Variants in UBE2K observed in about 807,000 individuals in gnomAD.
The protein encoded by UBE2K is ubiquitin conjugating enzyme E2 K, also known as ubiquitin-conjugating enzyme E2 K.
UBE2K carries 6 observed loss-of-function variants against 30.0 expected under a neutral mutation model. That is an observed-to-expected ratio of 0.20 (90% CI 0.11 to 0.39). The LOEUF is 0.39. UBE2K is among the 10% of genes least tolerant of loss of function. The pLI is 1.00. For synonymous variants in UBE2K, 86 were observed against 83.7 expected (o/e 1.03, Z -0.15); for missense variants, 61 against 241.6 (o/e 0.25, Z 4.96).
At chr4:39,719,197 C>A (rs564682004) in intron 1 of UBE2K, among the ~76,000 whole-genome samples, 19 of 152,350 alleles carry the variant, frequency 1.2e-4, no homozygotes, top group African/African-American at 4.6e-4. Context: ...TTAGTTGTTT[C>A]ATCTGTCTGG....
At chr4:39,770,222 C>T (rs943282542) in intron 4 of UBE2K, 23 of 1,611,504 alleles carry the variant, frequency 1.4e-5, no homozygotes, top group Admixed American at 1.0e-4. Flanking sequence ...AGCGGTAGGG[C>T]TGCGCTCCCG....
At chr4:39,766,135 A>G (rs1417162198) in intron 4 of UBE2K, among the ~76,000 whole-genome samples, 1 of 152,020 alleles carries the variant, frequency 6.6e-6, no homozygotes, top group Non-Finnish European at 1.5e-5. Context: ...TCACTGGATT[A>G]TATAGTAACT....
intron 4 of UBE2K, among the ~76,000 whole-genome samples, chr4:39,769,525 C>G (rs1712601241): frequency 6.6e-6 from 1 of 151,764 alleles, no homozygotes; most frequent in Non-Finnish European, 1.5e-5. Context: ...TTCAGCAAGC[C>G]TCATACTTGC....
intron 4 of UBE2K, chr4:39,770,689 G>C (rs1459883348): frequency 7.6e-6 from 12 of 1,573,834 alleles, no homozygotes; most frequent in Non-Finnish European, 1.0e-5. Context: ...GTGCTGGGGG[G>C]CACGCTGCTC....
In UBE2K at chr4:39,750,733, T is replaced by C. The variant is rs1007440105; in HGVS notation, c.216+4923T>C. Among the ~76,000 whole-genome samples, 30 of 151,818 alleles carry C rather than the reference T, an allele frequency of 2.0e-4. 1 individual carries two copies. Among genetic ancestry groups the C allele is most frequent in the African/African-American group, 7.3e-4 (30 of 41,324 alleles). On this transcript the variant is annotated intron_variant, in intron 3 of 6. Transcript: ENST00000261427. ...GAAGATTAAATTCTTTTTTTTTTTT[T>C]TTACAAAATTTTTATTTTATTTTAT... is the stretch of plus-strand genomic sequence containing the variant.
chr4:39,754,240 G>A (rs1477001572), intron 3 of UBE2K, among the ~76,000 whole-genome samples: 4 of 152,198 alleles, frequency 2.6e-5, no homozygotes, highest in Non-Finnish European at 4.4e-5. Context: ...CCTTTAATGA[G>A]AAGGTGGATG....
intron 4 of UBE2K, among the ~76,000 whole-genome samples, chr4:39,760,176 C>CAAAAAAAAAAAA (rs71194913): frequency 2.6e-5 from 2 of 77,170 alleles, no homozygotes; most frequent in African/African-American, 6.1e-5. Context: ...GACTCTGTCA[C>CAAAAAAAAAAAA]AAAAAAAAAA....
chr4:39,700,358 C>G (rs549731474), intron 1 of UBE2K, among the ~76,000 whole-genome samples: 1 of 152,080 alleles, frequency 6.6e-6, no homozygotes, highest in Non-Finnish European at 1.5e-5. Context: ...TGCAAACAGA[C>G]AGGTTTTTTG....
intron 4 of UBE2K, among the ~76,000 whole-genome samples, chr4:39,769,876 C>T (rs1054007895): frequency 1.3e-4 from 20 of 152,292 alleles, no homozygotes; most frequent in African/African-American, 3.4e-4. Flanking sequence ...CCCTGTCCCC[C>T]GCTCCAGCTT....
chr4:39,770,725 C>T lies in UBE2K; in HGVS notation c.300-4109C>T. On this transcript the variant is annotated intron_variant, in intron 4 of 6. Transcript: ENST00000261427. ...TGGGCCAGCTCCCCAAGGTGGCCAC[C>T]CACGGAGCCTCCAATGCCCAGGCCC... is the stretch of plus-strand genomic sequence containing the variant. The T allele has an allele frequency of 6.3e-6, 10 of 1,580,452 alleles. No homozygotes were observed. In the African/African-American group the frequency reaches 1.3e-4, roughly 21 times the overall value.
Position 39,780,063 on chromosome 4 carries a change from C to T in UBE2K, c.*1629C>T, listed in dbSNP as rs918985308. ...TAAGGCTTTCCTAATTAACAGTAAA[C>T]TCTTATAGCTGATATTATTACATAC... is the stretch of plus-strand genomic sequence containing the variant. On this transcript the variant is annotated 3_prime_UTR_variant, in exon 7 of 7. Coordinates refer to ENST00000261427, the MANE Select transcript of UBE2K (RefSeq NM_005339.5). The T allele has an allele frequency of 3.9e-5, 6 of 152,132 alleles. No individual in the cohort carries two copies. The highest frequency in any genetic ancestry group is 5.9e-5 in the Non-Finnish European group (4 of 67,996). The allele number at this position is 152,132 out of a possible 1,614,324, so 9.4% of individuals were successfully genotyped here.
At chr4:39,714,062 A>AT (rs1416962347) in intron 1 of UBE2K, 1 of 151,978 alleles carries the variant, frequency 6.6e-6, no homozygotes, top group Non-Finnish European at 1.5e-5. Flanking sequence ...TAATTTTTGT[A>AT]TTTTTTGTAG....
chr4:39,771,934 A>G (rs1446252716), intron 4 of UBE2K, among the ~76,000 whole-genome samples: 3 of 152,092 alleles, frequency 2.0e-5, no homozygotes, highest in Non-Finnish European at 4.4e-5. Flanking sequence ...TTCGCCTCCC[A>G]GGTTCGAGCG....
In UBE2K at chr4:39,724,032, C is replaced by T. The variant is rs1042014232; in HGVS notation, c.64-13388C>T. On this transcript the variant is annotated intron_variant, in intron 1 of 6. Transcript: ENST00000261427. The stretch of plus-strand genomic sequence containing the variant: ...TTCACCATGTTGGTCAGGCTGGTCT[C>T]GAACTCCTGACCTTAGGTGATCCAC... 8.6e-5 allele frequency among the ~76,000 whole-genome samples: 13 copies of T among 151,998 alleles called. No homozygotes were observed. In the East Asian group the frequency reaches 1.6e-3, roughly 18 times the overall value.
In UBE2K at chr4:39,698,469, G is replaced by T. The variant is rs1469941874; in HGVS notation, c.63+79G>T. ...TCCCAGCTGCGACCCCGATATCCCC[G>T]GTAGTCCCTGGGTGGTCCTCCTTGC... On this transcript the variant is annotated intron_variant, in intron 1 of 6. Coordinates refer to ENST00000261427, the MANE Select transcript of UBE2K (RefSeq NM_005339.5). 7 of 1,367,228 alleles carry T rather than the reference G, an allele frequency of 5.1e-6. No homozygotes were observed. The East Asian group carries it at 1.2e-4, about 24-fold the overall frequency. 84.7% of individuals were successfully genotyped at this position (1,367,228 alleles called of 1,614,324 possible).
At chr4:39,773,723 C>T (rs1196208356) in intron 4 of UBE2K, among the ~76,000 whole-genome samples, 2 of 151,846 alleles carry the variant, frequency 1.3e-5, no homozygotes, top group African/African-American at 2.4e-5. Context: ...AGATCGAGAC[C>T]ATCCTGGCTA....
At chr4:39,770,283 C>A (rs1048209199) in intron 4 of UBE2K, 2 of 1,611,278 alleles carry the variant, frequency 1.2e-6, no homozygotes, top group Admixed American at 1.7e-5. Flanking sequence ...GAAGCACTTG[C>A]CGCAGATGCC....
intron 4 of UBE2K, among the ~76,000 whole-genome samples, chr4:39,774,094 C>T (rs544602544): frequency 4.6e-5 from 7 of 151,696 alleles, no homozygotes; most frequent in Non-Finnish European, 1.0e-4. Context: ...CTCAGAAGTT[C>T]GATACCAGCC....
At chr4:39,714,550 A>ATATATATATATATATTTTTT in intron 1 of UBE2K, 1 of 17,852 alleles carries the variant, frequency 5.6e-5, no homozygotes, top group Non-Finnish European at 8.7e-5. Context: ...ATATATATAT[A>ATATATATATATATATTTTTT]TTTTTTTTTT....
Sources: allele counts gnomAD v4.1 joint callset (sites outside exome capture counted in the v4.1 genomes callset), GRCh38; gene constraint gnomAD v4.1.1; transcripts MANE v1.5; gene names NCBI Gene and HGNC (gene_info 2026-07-23, HGNC 2026-07-21).